The following ALPK2 variants were observed in gnomAD, a reference collection of about 807,000 sequenced individuals.
The protein encoded by ALPK2 is alpha-protein kinase 2.
In ALPK2, 127 loss-of-function variants were observed where a neutral mutation model predicts 163.1. The observed-to-expected ratio is 0.78, with a 90% CI of 0.67 to 0.90. ALPK2 has a LOEUF of 0.90. ALPK2 is among the 40% of genes least tolerant of loss of function. The probability of loss-of-function intolerance (pLI) is 0.00; values close to 1 mark genes in which losing one functional copy is unlikely to be tolerated. For missense variants in ALPK2, 2,360 were observed against 2,589.6 expected, an observed-to-expected ratio of 0.91 and a Z score of 1.92; for synonymous variants, 953 against 959.1, an observed-to-expected ratio of 0.99 and a Z score of 0.12.
chr18:58,545,234 AAC>A (rs141933899), intron 4 of ALPK2: 83,754 of 145,614 alleles, frequency 0.58, 24,338 homozygotes, highest in Middle Eastern at 0.66. Flanking sequence ...AAAAAAAAAA[AAC>A]ACACACACAC....
intron 12 of ALPK2, among the ~76,000 whole-genome samples, chr18:58,484,928 C>T (rs2051331165): frequency 1.3e-5 from 2 of 152,118 alleles, no homozygotes; most frequent in South Asian, 4.1e-4. Context: ...GTGGAAGAGA[C>T]TTTGAAGCTG....
rs765365874 is a variant in ALPK2, at chr18:58,536,292, T to G, written c.3895A>C (p.Ser1299Arg). The change falls in exon 5 of 13, where the codon AGT (serine) becomes CGT (arginine). Residue 1299 changes from serine to arginine, a missense_variant. Coordinates refer to ENST00000361673, the MANE Select transcript of ALPK2 (RefSeq NM_052947.4). The stretch of plus-strand genomic sequence containing the variant: ...AGGGCTGACTCAGCATCCTCTGGAC[T>G]GTGAGCCAATGCTGCTATTTCAGAG... Reference protein sequence around the residue: ...APSEIAALAHSPEDAESALAD... With the variant: ...APSEIAALAHRPEDAESALAD... 7.4e-6 allele frequency: 12 copies of G among 1,614,100 alleles called. No homozygotes were observed. The highest frequency in any genetic ancestry group is 8.5e-6 in the Non-Finnish European group (10 of 1,180,036).
intron 8 of ALPK2, among the ~76,000 whole-genome samples, chr18:58,521,144 A>C (rs1294382120): frequency 6.6e-6 from 1 of 152,242 alleles, no homozygotes; most frequent in African/African-American, 2.4e-5. Flanking sequence ...TGGGGCCAGA[A>C]GCTGGGAGAA....
At chr18:58,573,346 GTATA>G (rs770735691) in intron 4 of ALPK2, among the ~76,000 whole-genome samples, 1 of 135,660 alleles carries the variant, frequency 7.4e-6, no homozygotes, top group African/African-American at 2.9e-5. Flanking sequence ...GTATATATAT[GTATA>G]TATATATGTG....
At chr18:58,548,349 G>A (rs1490136598) in intron 4 of ALPK2, among the ~76,000 whole-genome samples, 2 of 149,880 alleles carry the variant, frequency 1.3e-5, no homozygotes, top group Non-Finnish European at 3.0e-5. Flanking sequence ...TCTTTGAGAT[G>A]GAGTCTCACT....
rs983391328 is a variant in ALPK2 at position 58,536,066 on chromosome 18, T to G, written c.4121A>C (p.Gln1374Pro). 6.2e-7 allele frequency: 1 copy of G among 1,614,218 alleles called. No individual in the cohort carries two copies. Among genetic ancestry groups the G allele is most frequent in the Non-Finnish European group, 8.5e-7 (1 of 1,180,034 alleles). ...GGKENVNNVS[Q>P]DQEEKQLKMD... The stretch of plus-strand genomic sequence containing the variant: ...CTTGAGTTGTTTTTCCTCCTGGTCT[T>G]GACTCACATTGTTAACATTTTCCTT... Residue 1374 changes from glutamine (Q) to proline (P), a missense_variant, in exon 5 of 13, where the codon CAA (glutamine) becomes CCA (proline). Transcript: ENST00000361673.
rs1364186893 is a variant in ALPK2, at chr18:58,534,794, G to A, written c.5353+40C>T. ...CAGGAACTGGATACCTGGTCTACAA[G>A]CCCAAACTTTAACAATGATGGACAG... On this transcript the variant is annotated intron_variant, in intron 5 of 12. Coordinates refer to ENST00000361673, the MANE Select transcript of ALPK2 (RefSeq NM_052947.4). 6 of 1,557,740 alleles carry A rather than the reference G, an allele frequency of 3.9e-6. No individual in the cohort carries two copies. The South Asian group carries it at 5.1e-5, about 13-fold the overall frequency.
chr18:58,627,445 A>AC (rs773081924), intron 1 of ALPK2, among the ~76,000 whole-genome samples: 4 of 149,854 alleles, frequency 2.7e-5, no homozygotes, highest in Non-Finnish European at 4.5e-5. Flanking sequence ...ACATGGTGAA[A>AC]CCCCATCTCA....
At chr18:58,619,014 G>T (rs930087746) in intron 1 of ALPK2, among the ~76,000 whole-genome samples, 2 of 152,190 alleles carry the variant, frequency 1.3e-5, no homozygotes, top group African/African-American at 4.8e-5. Flanking sequence ...CTAATCCAAT[G>T]GCAATTGTCT....
In ALPK2 at chr18:58,579,625, C is replaced by T. The variant is rs937781711; in HGVS notation, c.1151G>A (p.Gly384Glu). 5 of 1,614,028 alleles carry T rather than the reference C, an allele frequency of 3.1e-6. No homozygotes were observed. Among genetic ancestry groups the T allele is most frequent in the Non-Finnish European group, 4.2e-6 (5 of 1,180,014 alleles). The change falls in exon 4 of 13, where the codon GGG becomes GAG. Residue 384 changes from glycine to glutamate, a missense_variant. Coordinates refer to ENST00000361673, the MANE Select transcript of ALPK2 (RefSeq NM_052947.4). Reference protein sequence around the residue: ...CEHFLSGMGCGSRVSGDAGPM... With the variant: ...CEHFLSGMGCESRVSGDAGPM... ...CCCAGCGTCACCCGACACCCGAGAC[C>T]CACAACCCATTCCACTGAGGAAATG... is the stretch of plus-strand genomic sequence containing the variant.
At chr18:58,538,759 G>T (rs1486342043) in intron 4 of ALPK2, among the ~76,000 whole-genome samples, 2 of 152,184 alleles carry the variant, frequency 1.3e-5, no homozygotes, top group Admixed American at 6.5e-5. Flanking sequence ...TGAAGGTGGG[G>T]CCTAATGGGA....
intron 12 of ALPK2, among the ~76,000 whole-genome samples, chr18:58,486,952 C>A (rs1197578444): frequency 1.3e-5 from 2 of 152,234 alleles, no homozygotes. Context: ...CTGCTAGTGA[C>A]CCACCTTACA....
At chr18:58,507,870 G>T (rs1258627320) in intron 10 of ALPK2, among the ~76,000 whole-genome samples, 1 of 152,148 alleles carries the variant, frequency 6.6e-6, no homozygotes, top group Non-Finnish European at 1.5e-5. Flanking sequence ...TCCTTACTTG[G>T]GGATCAGACC....
intron 11 of ALPK2, among the ~76,000 whole-genome samples, chr18:58,502,961 T>C (rs2051440089): frequency 6.6e-6 from 1 of 152,190 alleles, no homozygotes. Flanking sequence ...AGATGTCAGC[T>C]CCAGCGCCCA....
chr18:58,490,532 C>A (rs2051368599), intron 12 of ALPK2, among the ~76,000 whole-genome samples: 1 of 152,116 alleles, frequency 6.6e-6, no homozygotes. Flanking sequence ...AGTGCTATGG[C>A]CCCTCCCTCA....
intron 3 of ALPK2, among the ~76,000 whole-genome samples, chr18:58,586,242 A>T (rs2051986159): frequency 6.6e-6 from 1 of 152,250 alleles, no homozygotes. Context: ...ATGTTAATTT[A>T]TCAGAGAACA....
chr18:58,607,465 C>G (rs778154446), intron 2 of ALPK2, 26 bp from the exon 3 acceptor site: 19 of 1,431,882 alleles, frequency 1.3e-5, no homozygotes, highest in Non-Finnish European at 1.8e-5. Context: ...GAAAAGTATC[C>G]TTATTAGTTT....
At chr18:58,569,893 G>A (rs1455670356) in intron 4 of ALPK2, among the ~76,000 whole-genome samples, 1 of 151,616 alleles carries the variant, frequency 6.6e-6, no homozygotes, top group Non-Finnish European at 1.5e-5. Flanking sequence ...CGCTTTGGGA[G>A]GCTGAGGTGG....
At chr18:58,522,985 C>G (rs1385790061) in intron 8 of ALPK2, among the ~76,000 whole-genome samples, 1 of 149,772 alleles carries the variant, frequency 6.7e-6, no homozygotes, top group African/African-American at 2.5e-5. Flanking sequence ...CATATGTATA[C>G]ATGTGCCATG....
Sources: allele counts gnomAD v4.1 joint callset (sites outside exome capture counted in the v4.1 genomes callset), GRCh38; gene constraint gnomAD v4.1.1; transcripts MANE v1.5; gene names NCBI Gene and HGNC (gene_info 2026-07-23, HGNC 2026-07-21).